PNPLA6: variants seen among roughly 807,000 people sequenced by gnomAD.
PNPLA6 encodes the protein patatin like domain 6, lysophospholipase, also known as patatin-like phospholipase domain-containing protein 6.
PNPLA6 carries 105 observed loss-of-function variants against 153.7 expected under a neutral mutation model. The observed-to-expected ratio is 0.68, with a 90% confidence interval of 0.58 to 0.80. PNPLA6 has a LOEUF of 0.80. Among genes scored for constraint, PNPLA6 ranks in the 30% least tolerant of loss-of-function variants. PNPLA6 has a pLI of 0.00. For missense variants in PNPLA6, 1,423 were observed against 1,919.3 expected (o/e 0.74, Z 4.83); for synonymous variants, 825 against 822.2 (o/e 1.00, Z -0.06).
upstream of PNPLA6, chr19:7,535,562 G>A (rs1315197232): frequency 2.5e-6 from 4 of 1,604,670 alleles, no homozygotes; most frequent in East Asian, 2.2e-5. The surrounding 1 kb of genome is among the most constrained non-coding windows in gnomAD (Gnocchi z 5.0). Flanking sequence ...TGGAGGCTCC[G>A]CTGCAAACTG....
chr19:7,558,512 A>G (rs184947199), intron 27 of PNPLA6, among the ~76,000 whole-genome samples: 2 of 152,136 alleles, frequency 1.3e-5, no homozygotes, highest in African/African-American at 2.4e-5. Flanking sequence ...TATGCCTCTA[A>G]TCCCAGCTAC....
At position 7,554,181 on chromosome 19, in the gene PNPLA6, C is replaced by G. The variant is rs545839717; in HGVS notation, c.2402-28C>G. The G allele has an allele frequency of 2.3e-5, 37 of 1,610,264 alleles. No homozygotes were observed. The African/African-American group carries it at 4.9e-4, about 21-fold the overall frequency. ...GCCCCAGCCCTGTGGACCATGGTTC[C>G]CAGCCTCCCTTCCCCACCTACCCCT... On this transcript the variant is annotated intron_variant, in intron 19 of 31. Coordinates refer to ENST00000600737, the MANE Select transcript of PNPLA6 (RefSeq NM_001166114.2).
chr19:7,546,126 G>A (rs901476254), intron 13 of PNPLA6, among the ~76,000 whole-genome samples: 27 of 152,094 alleles, frequency 1.8e-4, no homozygotes, highest in African/African-American at 5.8e-4. Flanking sequence ...GGAAGGAGGG[G>A]GAGGAACAAA....
intron 13 of PNPLA6, among the ~76,000 whole-genome samples, chr19:7,544,719 C>T (rs1046429240): frequency 6.6e-6 from 1 of 151,970 alleles, no homozygotes; most frequent in South Asian, 2.1e-4. Flanking sequence ...CACTGTTAGC[C>T]GGCTGGAGTG....
chr19:7,556,011 C>T (rs1378744304), intron 24 of PNPLA6, among the ~76,000 whole-genome samples: 2 of 151,004 alleles, frequency 1.3e-5, no homozygotes, highest in Non-Finnish European at 1.5e-5. Context: ...TGGTGACCAC[C>T]TTGTGGATGG....
rs747880475 is a variant in PNPLA6, at chr19:7,561,644, C to T, written c.*82C>T. ...CCCGTGGGGGTAGCTCACTCCCCCTCCTGCTGCTATGCCTGTGACCCCCGC... is the reference window on the plus strand; with the variant it reads ...CCCGTGGGGGTAGCTCACTCCCCCTTCTGCTGCTATGCCTGTGACCCCCGC... On this transcript the variant is annotated 3_prime_UTR_variant, in exon 32 of 32. Transcript: ENST00000600737. 1.2e-5 allele frequency: 11 copies of T among 950,578 alleles called. No individual in the cohort carries two copies. Among genetic ancestry groups the T allele is most frequent in the Admixed American group, 2.0e-5 (1 of 50,262 alleles). 58.9% of individuals were successfully genotyped at this position (950,578 alleles called of 1,614,324 possible).
At chr19:7,561,440 G>C (rs377316971) in intron 31 of PNPLA6, 48 bp from the exon 32 acceptor site, 1 of 1,498,582 alleles carries the variant, frequency 6.7e-7, no homozygotes, top group Non-Finnish European at 9.2e-7. Flanking sequence ...GACATGTGAC[G>C]CATCAGTGTC....
intron 27 of PNPLA6, among the ~76,000 whole-genome samples, chr19:7,558,609 G>A (rs1264932685): frequency 6.6e-6 from 1 of 152,186 alleles, no homozygotes; most frequent in African/African-American, 2.4e-5. Context: ...TCCAGCCTGG[G>A]CGACAGAGTG....
At chr19:7,560,951 CCCCCCAGGGGCCCCAAGACTCTGTGGG>C in intron 29 of PNPLA6, 36 bp from the exon 30 acceptor site, 1 of 998,904 alleles carries the variant, frequency 1.0e-6, no homozygotes, top group Non-Finnish European at 1.6e-6. Context: ...CACCACTGGG[CCCCCCAGGGGCCCCAAGACTCTGTGGG>C]CCCCCCCTAA....
intron 19 of PNPLA6, 61 bp downstream of exon 19, chr19:7,554,076 G>A: frequency 1.9e-6 from 3 of 1,600,764 alleles, no homozygotes; most frequent in Non-Finnish European, 2.6e-6. Flanking sequence ...GTGAGTGAGA[G>A]ATGTTAGGGT....
chr19:7,561,502 G>T lies in PNPLA6; in HGVS notation c.4038G>T (p.Ser1346=), dbSNP rs757676882. The change falls in exon 32 of 32, where the codon TCG becomes TCT. Residue 1346 remains serine (S), a synonymous_variant. Coordinates refer to ENST00000600737, the MANE Select transcript of PNPLA6 (RefSeq NM_001166114.2). ...TTCCCTCGCAGGAGGAGGAGAAGTCGATTCTCCGGCAACGACGCTGTCTGC... is the reference window on the plus strand; with the variant it reads ...TTCCCTCGCAGGAGGAGGAGAAGTCTATTCTCCGGCAACGACGCTGTCTGC... ...STASEMEEEK[S]ILRQRRCLPQ... 1.2e-6 allele frequency: 2 copies of T among 1,608,302 alleles called. No individual in the cohort carries two copies. The highest frequency in any genetic ancestry group is 3.4e-5 in the Admixed American group (2 of 59,386).
In PNPLA6 at chr19:7,561,583, C is replaced by G; in HGVS notation, c.*21C>G. ...CCTGAGGACCTCGACAGGGGTCACC[C>G]CCTCCCTCCCACCCCTGGACTGGGC... On this transcript the variant is annotated 3_prime_UTR_variant, in exon 32 of 32. Transcript: ENST00000600737. The G allele has an allele frequency of 6.5e-7, 1 of 1,540,276 alleles. No homozygotes were observed. The highest frequency in any genetic ancestry group is 2.3e-5 in the East Asian group (1 of 42,676).
chr19:7,551,272 C>T, intron 17 of PNPLA6, 90 bp from the exon 18 acceptor site: 2 of 1,359,412 alleles, frequency 1.5e-6, no homozygotes, highest in African/African-American at 1.4e-5. Flanking sequence ...AGGTAACGGG[C>T]ACCCAGGAGC....
Position 7,541,532 on chromosome 19 carries a change from C to A in PNPLA6, c.1016C>A (p.Pro339His), listed in dbSNP as rs748888087. The A allele has an allele frequency of 3.7e-6, 6 of 1,607,768 alleles. No individual in the cohort carries two copies. The African/African-American group carries it at 4.0e-5, about 11-fold the overall frequency. ...GTTCTCTGCCCCCAGGAGATCCAGCCCCTGCGTCTGTTCCCCAGCCCCGGC... is the reference window on the plus strand; with the variant it reads ...GTTCTCTGCCCCCAGGAGATCCAGCACCTGCGTCTGTTCCCCAGCCCCGGC... ...TNELFSHEIQ[P>H]LRLFPSPGLP... The change falls in exon 9 of 32, where the codon CCC (proline) becomes CAC (histidine). Residue 339 changes from proline (P) to histidine (H), a missense_variant. Pro to His is a moderately conservative substitution (Grantham distance 77). Coordinates refer to ENST00000600737, the MANE Select transcript of PNPLA6 (RefSeq NM_001166114.2). The surrounding 1 kb of genome is among the most constrained non-coding windows in gnomAD (Gnocchi z 5.2).
In PNPLA6 at chr19:7,535,794, GA is replaced by G. The variant is rs2022832721; in HGVS notation, c.7del (p.Thr3HisfsTer50). 1 of 1,536,072 alleles carries G rather than the reference GA, an allele frequency of 6.5e-7. No individual in the cohort carries two copies. Among genetic ancestry groups the G allele is most frequent in the African/African-American group, 1.4e-5 (1 of 73,148 alleles). On this transcript the variant is annotated frameshift_variant, in exon 1 of 32. Coordinates refer to ENST00000600737, the MANE Select transcript of PNPLA6 (RefSeq NM_001166114.2). LOFTEE classifies it high-confidence loss of function. The surrounding 1 kb of genome is among the most constrained non-coding windows in gnomAD (Gnocchi z 5.0). Reference sequence around the variant, plus strand: ...AGCACTGGCCCATTCTGCAGATGGGGACATCGAGTCACGGGCTGGCTACGAA... The same window carrying G: ...AGCACTGGCCCATTCTGCAGATGGGGCATCGAGTCACGGGCTGGCTACGAA... The part of the protein sequence containing the change: MG[T>X]SSHGLATNSS...
At chr19:7,538,979 A>G (rs765882523) in intron 3 of PNPLA6, among the ~76,000 whole-genome samples, 2 of 152,170 alleles carry the variant, frequency 1.3e-5, no homozygotes, top group Admixed American at 1.3e-4. Context: ...TCAGGGGCCT[A>G]TGCCTAGTGG....
chr19:7,555,900 G>C lies in PNPLA6; in HGVS notation c.3093+137G>C. On this transcript the variant is annotated intron_variant, in intron 24 of 31. Coordinates refer to ENST00000600737, the MANE Select transcript of PNPLA6 (RefSeq NM_001166114.2). The surrounding 1 kb of genome is among the most constrained non-coding windows in gnomAD (Gnocchi z 6.3). ...TTAAATCTATGATCCCCAGCTGTCC[G>C]GACTTTTATAGATAAGCTTCTAGGA... 1 of 937,738 alleles carries C rather than the reference G, an allele frequency of 1.1e-6. No homozygotes were observed. Among genetic ancestry groups the C allele is most frequent in the Non-Finnish European group, 1.7e-6 (1 of 603,366 alleles). 58.1% of individuals were successfully genotyped at this position (937,738 alleles called of 1,614,324 possible). A position where few individuals can be genotyped will look rare whatever the true frequency, so the allele number is the denominator to read the frequency against.
chr19:7,557,795 A>AG (rs1025041414), intron 27 of PNPLA6, among the ~76,000 whole-genome samples: 2 of 150,976 alleles, frequency 1.3e-5, no homozygotes, highest in Non-Finnish European at 3.0e-5. Context: ...AAAAAAAAAA[A>AG]AAAGAAAGAA....
At chr19:7,544,922 G>T (rs916314025) in intron 13 of PNPLA6, among the ~76,000 whole-genome samples, 5 of 152,174 alleles carry the variant, frequency 3.3e-5, no homozygotes, top group South Asian at 4.1e-4. Context: ...CCACAACCCA[G>T]CCCTGGCCTG....
Sources: gnomAD v4.1 joint callset for allele counts (sites outside exome capture counted in the v4.1 genomes callset) on GRCh38, gnomAD v4.1.1 for gene constraint, Gnocchi (gnomAD v3.1) non-coding constraint, MANE v1.5 for transcripts, NCBI Gene and HGNC (gene_info 2026-07-23, HGNC 2026-07-21) for gene names.